The following CADM2 variants were observed in gnomAD, a reference collection of about 807,000 sequenced individuals.
CADM2 encodes immunoglobulin superfamily member 4D.
A neutral mutation model predicts 49.8 loss-of-function variants in CADM2; 12 were observed. That is an observed-to-expected ratio of 0.24 (90% confidence interval 0.15 to 0.39). The LOEUF is 0.39. Among genes scored for constraint, CADM2 ranks in the 10% least tolerant of loss-of-function variants. CADM2 has a pLI of 1.00. For synonymous variants in CADM2, 214 were observed against 175.4 expected (o/e 1.22, Z -1.74); for missense variants, 378 against 492.3 (o/e 0.77, Z 2.20).
chr3:85,337,690 A>AT, intron 1 of CADM2, among the ~76,000 whole-genome samples: 1 of 151,492 alleles, frequency 6.6e-6, no homozygotes, highest in East Asian at 1.9e-4. Flanking sequence ...AGATCTAAGT[A>AT]TTTTTGCTCT....
Position 85,371,693 on chromosome 3 carries a change from A to G in CADM2, c.62-354829A>G, listed in dbSNP as rs758347669. ...TGTGTGTGTGTATATATATATATAT[A>G]TATATATATATATATATATATTCAC... is the stretch of plus-strand genomic sequence containing the variant. On this transcript the variant is annotated intron_variant, in intron 1 of 9. Coordinates refer to ENST00000383699, the MANE Select transcript of CADM2 (RefSeq NM_001167675.2). Among the ~76,000 whole-genome samples, 427 of 141,266 alleles carry G rather than the reference A, an allele frequency of 3.0e-3. 10 individuals carry two copies. Among genetic ancestry groups the G allele is most frequent in the Non-Finnish European group, 4.3e-3 (283 of 65,116 alleles). The allele number at this position is 141,266 out of a possible 152,430, so 92.7% of individuals were successfully genotyped here. A position where few individuals can be genotyped will look rare whatever the true frequency, so the allele number is the denominator to read the frequency against.
chr3:85,934,038 C>T (rs981350593), intron 6 of CADM2, among the ~76,000 whole-genome samples: 6 of 152,118 alleles, frequency 3.9e-5, no homozygotes, highest in Non-Finnish European at 5.9e-5. Context: ...CTCCCCAAGG[C>T]ACAGTCAAAC....
chr3:85,537,514 G>T (rs1364917370), intron 1 of CADM2, among the ~76,000 whole-genome samples: 2 of 151,176 alleles, frequency 1.3e-5, no homozygotes, highest in East Asian at 3.9e-4. Flanking sequence ...GTGTGTGTGT[G>T]TGCGTGTGCA....
chr3:85,695,131 A>G (rs2066510972), intron 1 of CADM2, among the ~76,000 whole-genome samples: 2 of 152,120 alleles, frequency 1.3e-5, no homozygotes, highest in South Asian at 4.1e-4. Context: ...TGACTTAAAT[A>G]TTTATTGTTT....
chr3:85,860,831 TAAAG>T (rs935487611), intron 3 of CADM2, among the ~76,000 whole-genome samples: 20 of 152,086 alleles, frequency 1.3e-4, no homozygotes, highest in Admixed American at 1.3e-3. Context: ...AGATGAGTCT[TAAAG>T]GAAGTGAGAA....
chr3:85,882,747 G>A (rs2108389235), intron 3 of CADM2, among the ~76,000 whole-genome samples: 1 of 152,246 alleles, frequency 6.6e-6, no homozygotes, highest in Non-Finnish European at 1.5e-5. Flanking sequence ...TACAGCAGTG[G>A]CACCAACCAA....
At chr3:85,938,965 G>A (rs1388107164) in intron 7 of CADM2, among the ~76,000 whole-genome samples, 2 of 151,904 alleles carry the variant, frequency 1.3e-5, no homozygotes, top group Non-Finnish European at 2.9e-5. Flanking sequence ...TAACTAGTAC[G>A]TTTTGAAGAA....
intron 1 of CADM2, among the ~76,000 whole-genome samples, chr3:85,543,421 T>TGTGTGTGG (rs1491106808): frequency 3.8e-4 from 16 of 41,852 alleles, no homozygotes; most frequent in Non-Finnish European, 5.6e-4. Flanking sequence ...GCCAAGCTAA[T>TGTGTGTGG]GTGTGTGTGT....
At chr3:85,984,393 C>T (rs949965094) in intron 8 of CADM2, among the ~76,000 whole-genome samples, 8 of 151,384 alleles carry the variant, frequency 5.3e-5, no homozygotes, top group Non-Finnish European at 3.0e-5. Context: ...TAAACCATGT[C>T]ATAATCTAGT....
intron 3 of CADM2, among the ~76,000 whole-genome samples, chr3:85,857,755 A>G (rs1424088743): frequency 6.6e-6 from 1 of 152,198 alleles, no homozygotes; most frequent in Non-Finnish European, 1.5e-5. Context: ...TATTTTTATG[A>G]GAAGCTGTTG....
intron 1 of CADM2, among the ~76,000 whole-genome samples, chr3:85,399,851 G>A (rs2035006095): frequency 6.6e-6 from 1 of 152,150 alleles, no homozygotes. Flanking sequence ...CTGCTTATCA[G>A]CTTAAGGAGA....
chr3:85,623,399 G>A (rs547337465), intron 1 of CADM2, among the ~76,000 whole-genome samples: 16 of 152,088 alleles, frequency 1.1e-4, no homozygotes, highest in South Asian at 2.1e-4. Context: ...TTCTTGATTC[G>A]TTTTATTTAA....
At chr3:85,823,790 T>G (rs1386097954) in intron 3 of CADM2, among the ~76,000 whole-genome samples, 1 of 152,134 alleles carries the variant, frequency 6.6e-6, no homozygotes, top group African/African-American at 2.4e-5. Flanking sequence ...GTAGAGAAAT[T>G]TATCTGTCTG....
intron 8 of CADM2, among the ~76,000 whole-genome samples, chr3:86,041,031 T>C (rs1229923664): frequency 6.6e-6 from 1 of 152,102 alleles, no homozygotes; most frequent in African/African-American, 2.4e-5. Context: ...AAGCAAATGC[T>C]GAGAGATTTT....
intron 1 of CADM2, among the ~76,000 whole-genome samples, chr3:85,378,463 G>T (rs1323053494): frequency 1.3e-5 from 2 of 151,936 alleles, no homozygotes; most frequent in South Asian, 4.1e-4. Flanking sequence ...GTAGTACTTT[G>T]CATCATTTAT....
At chr3:85,304,368 G>A (rs1305010819) in intron 1 of CADM2, among the ~76,000 whole-genome samples, 4 of 151,698 alleles carry the variant, frequency 2.6e-5, no homozygotes, top group Non-Finnish European at 5.9e-5. Flanking sequence ...GAAAATTCTA[G>A]AAACTAGGAT....
intron 1 of CADM2, among the ~76,000 whole-genome samples, chr3:85,165,451 T>G (rs1180336565): frequency 6.6e-6 from 1 of 151,964 alleles, no homozygotes; most frequent in African/African-American, 2.4e-5. Context: ...GTTATTCCAC[T>G]TTAGGCTTCA....
At chr3:85,741,054 G>A (rs2068363126) in intron 2 of CADM2, among the ~76,000 whole-genome samples, 1 of 152,090 alleles carries the variant, frequency 6.6e-6, no homozygotes, top group Admixed American at 6.6e-5. Context: ...AATTTACTGA[G>A]ATACATAGCA....
chr3:85,376,980 T>G (rs2033628356), intron 1 of CADM2, among the ~76,000 whole-genome samples: 1 of 152,062 alleles, frequency 6.6e-6, no homozygotes, highest in African/African-American at 2.4e-5. Context: ...CATTAAAACA[T>G]TTATTAAATT....
Sources: allele counts gnomAD v4.1 joint callset (sites outside exome capture counted in the v4.1 genomes callset), GRCh38; gene constraint gnomAD v4.1.1; transcripts MANE v1.5; gene names NCBI Gene and HGNC (gene_info 2026-07-23, HGNC 2026-07-21).